Variants in KCNIP1 observed in about 807,000 individuals in gnomAD.
The protein encoded by KCNIP1 is potassium voltage-gated channel interacting protein 1.
A neutral mutation model predicts 33.0 loss-of-function variants in KCNIP1; 18 were observed. The ratio of observed to expected loss-of-function variants is 0.55; its 90% CI spans 0.38 to 0.81. The LOEUF (loss-of-function observed/expected upper bound fraction) is 0.81, where lower values mean the gene tolerates loss of function less well. KCNIP1 is among the 30% of genes least tolerant of loss of function. The pLI, the probability that KCNIP1 is intolerant of heterozygous loss-of-function variation, is 0.00. For missense variants in KCNIP1, 238 were observed against 271.6 expected (o/e 0.88, Z 0.87); for synonymous variants, 93 against 98.3 (o/e 0.95, Z 0.32).
At chr5:170,578,629 A>G (rs578229496) in intron 1 of KCNIP1, among the ~76,000 whole-genome samples, 1 of 152,346 alleles carries the variant, frequency 6.6e-6, no homozygotes, top group African/African-American at 2.4e-5. Flanking sequence ...TGCAGGCTAC[A>G]TTCCAGGCGA....
At chr5:170,475,114 A>G (rs984423000) in intron 1 of KCNIP1, among the ~76,000 whole-genome samples, 28 of 151,958 alleles carry the variant, frequency 1.8e-4, no homozygotes, top group Non-Finnish European at 4.0e-4. Flanking sequence ...TTGACAGAGC[A>G]CTGATTGGTA....
rs778582453 is a variant in KCNIP1, at chr5:170,720,275, T to G, written c.187-46T>G. On this transcript the variant is annotated intron_variant, in intron 2 of 7. Coordinates refer to ENST00000328939, the MANE Select transcript of KCNIP1 (RefSeq NM_014592.4). ...AAGGCTGGGCCCAGTCTTCTCCTAG[T>G]GCTGGCCCTCAAATGCCTCCCGCTG... 2.2e-6 allele frequency: 3 copies of G among 1,390,036 alleles called. No individual in the cohort carries two copies. The Admixed American group carries it at 5.0e-5, about 23-fold the overall frequency. 86.1% of individuals were successfully genotyped at this position (1,390,036 alleles called of 1,614,324 possible).
chr5:170,503,393 C>CAAAAAAA (rs10628243), upstream of KCNIP1, among the ~76,000 whole-genome samples: 1 of 112,500 alleles, frequency 8.9e-6, no homozygotes, highest in Non-Finnish European at 1.8e-5. Flanking sequence ...GACTCCGTCT[C>CAAAAAAA]AAAAAAAAAA....
intron 1 of KCNIP1, among the ~76,000 whole-genome samples, chr5:170,599,097 G>A (rs2113579660): frequency 6.6e-6 from 1 of 152,154 alleles, no homozygotes; most frequent in Non-Finnish European, 1.5e-5. Flanking sequence ...CTTAACCAGA[G>A]GCAGAGACTG....
chr5:170,539,786 A>G (rs1426872468), intron 1 of KCNIP1, among the ~76,000 whole-genome samples: 1 of 152,190 alleles, frequency 6.6e-6, no homozygotes, highest in Admixed American at 6.5e-5. Context: ...ACAAATGTCA[A>G]GAAGTACCTG....
At chr5:170,554,596 C>T (rs779478539) in intron 1 of KCNIP1, among the ~76,000 whole-genome samples, 3 of 152,180 alleles carry the variant, frequency 2.0e-5, no homozygotes, top group Admixed American at 1.3e-4. Flanking sequence ...GGGGCTGAGC[C>T]GCCCTTCCCC....
chr5:170,702,671 A>G (rs1763135679), intron 1 of KCNIP1, among the ~76,000 whole-genome samples: 1 of 152,200 alleles, frequency 6.6e-6, no homozygotes, highest in Non-Finnish European at 1.5e-5. Context: ...TGGGCCCAGC[A>G]GAGACCCTTA....
rs756534254 is a variant in KCNIP1, at chr5:170,551,895, AGTGT to A, written c.61+47266_61+47269del. ...GTGTGTGTGTATATGAATGTGTACGAGTGTGTGAGTGTGTGTATGTATGAGTACA... is the reference window on the plus strand; with the variant it reads ...GTGTGTGTGTATATGAATGTGTACGAGTGAGTGTGTGTATGTATGAGTACA... On this transcript the variant is annotated intron_variant, in intron 1 of 7. Coordinates refer to ENST00000328939, the MANE Select transcript of KCNIP1 (RefSeq NM_014592.4). Among the ~76,000 whole-genome samples the A allele has an allele frequency of 6.6e-5, 10 of 150,508 alleles. No homozygotes were observed. The East Asian group carries it at 9.8e-4, about 15-fold the overall frequency.
intron 1 of KCNIP1, among the ~76,000 whole-genome samples, chr5:170,367,348 A>AAGGAAAGAAGGAAGG (rs1763691225): frequency 1.0e-5 from 1 of 100,364 alleles, no homozygotes; most frequent in African/African-American, 4.4e-5. Context: ...AGAAGGAAAG[A>AAGGAAAGAAGGAAGG]AAAAGAAAGA....
chr5:170,496,517 G>A (rs1194303212), intron 1 of KCNIP1, among the ~76,000 whole-genome samples: 1 of 152,154 alleles, frequency 6.6e-6, no homozygotes, highest in Non-Finnish European at 1.5e-5. Flanking sequence ...TCCTTATGGG[G>A]CTATTGAAAT....
intron 1 of KCNIP1, among the ~76,000 whole-genome samples, chr5:170,681,850 C>T (rs1395749026): frequency 6.6e-6 from 1 of 152,176 alleles, no homozygotes; most frequent in Non-Finnish European, 1.5e-5. Flanking sequence ...TATTTTTCCT[C>T]CTTATGAGAT....
intron 1 of KCNIP1, chr5:170,382,644 C>A (rs1040841034): frequency 3.3e-5 from 5 of 152,580 alleles, no homozygotes; most frequent in Non-Finnish European, 5.8e-5. Context: ...AAGCCTAATC[C>A]AAGAGCCTTT....
chr5:170,356,126 A>G (rs1020905137), intron 1 of KCNIP1, among the ~76,000 whole-genome samples: 5 of 152,226 alleles, frequency 3.3e-5, no homozygotes, highest in Admixed American at 6.5e-5. Context: ...CGGCTTTCTA[A>G]TGTTTACACC....
chr5:170,699,152 T>G lies in KCNIP1; in HGVS notation c.62-19606T>G, dbSNP rs542075286. On this transcript the variant is annotated intron_variant, in intron 1 of 7. Transcript: ENST00000328939. ...TTTGTACTTACTCATTGCAGCAAAT[T>G]TAGAAAATACACATAAGCAAAAAAG... Among the ~76,000 whole-genome samples, 11 of 152,264 alleles carry G rather than the reference T, an allele frequency of 7.2e-5. No homozygotes were observed. In the South Asian group the frequency reaches 2.3e-3, roughly 32 times the overall value.
intron 1 of KCNIP1, among the ~76,000 whole-genome samples, chr5:170,410,503 C>CA (rs1397330713): frequency 2.0e-5 from 3 of 147,802 alleles, no homozygotes; most frequent in African/African-American, 7.4e-5. Context: ...GGAAGGCTGG[C>CA]TTTTTTTTTT....
chr5:170,535,658 C>T (rs10076384), intron 1 of KCNIP1, among the ~76,000 whole-genome samples: 37,529 of 152,052 alleles, frequency 0.25, 6,163 homozygotes, highest in African/African-American at 0.47. Context: ...TCTCAAATCC[C>T]AGCCCCCTTT....
intron 1 of KCNIP1, among the ~76,000 whole-genome samples, chr5:170,458,388 C>G (rs1247228796): frequency 6.6e-6 from 1 of 152,186 alleles, no homozygotes; most frequent in Non-Finnish European, 1.5e-5. Flanking sequence ...TACTTAGACA[C>G]ATTGTCATCA....
intron 1 of KCNIP1, among the ~76,000 whole-genome samples, chr5:170,661,859 A>C (rs1761506739): frequency 6.6e-6 from 1 of 152,180 alleles, no homozygotes; most frequent in African/African-American, 2.4e-5. Context: ...GTCCCGGAGG[A>C]GCTCACACAT....
At chr5:170,487,721 T>A (rs1314747708) in intron 1 of KCNIP1, among the ~76,000 whole-genome samples, 1 of 152,028 alleles carries the variant, frequency 6.6e-6, no homozygotes, top group African/African-American at 2.4e-5. Flanking sequence ...AGGGGCCATG[T>A]TACCCAGGCT....
Sources: gnomAD v4.1 joint callset for allele counts (sites outside exome capture counted in the v4.1 genomes callset) on GRCh38, gnomAD v4.1.1 for gene constraint, MANE v1.5 for transcripts, NCBI Gene and HGNC (gene_info 2026-07-23, HGNC 2026-07-21) for gene names.